Variants in ARB2A observed in about 807,000 individuals in gnomAD.
The protein encoded by ARB2A is ARB2 cotranscriptional regulator A.
chr5:93,817,386 C>T, the ARB2A span, among the ~76,000 whole-genome samples: 3 of 152,236 alleles, frequency 2.0e-5, no homozygotes, highest in Non-Finnish European at 4.4e-5. Context: ...TTAAGATTGT[C>T]AAGATGGCAA....
At chr5:93,781,937 AAGG>A in the ARB2A span, 1 of 985,094 alleles carries the variant, frequency 1.0e-6, no homozygotes, top group East Asian at 1.1e-4. Flanking sequence ...TCGTTATTTC[AAGG>A]AGTCTTGCAG....
the ARB2A span, among the ~76,000 whole-genome samples, chr5:93,697,226 C>G: frequency 6.6e-6 from 1 of 151,942 alleles, no homozygotes; most frequent in Non-Finnish European, 1.5e-5. Flanking sequence ...ATAGGTTCAT[C>G]TCATCAGACC....
the ARB2A span, among the ~76,000 whole-genome samples, chr5:94,046,800 T>G: frequency 2.0e-5 from 3 of 152,130 alleles, no homozygotes; most frequent in African/African-American, 7.2e-5. Flanking sequence ...GGTTACAGAA[T>G]CAATGAAAAG....
At chr5:93,829,662 T>A in the ARB2A span, among the ~76,000 whole-genome samples, 4 of 152,168 alleles carry the variant, frequency 2.6e-5, no homozygotes, top group African/African-American at 9.6e-5. Context: ...CTTGTAGTCA[T>A]ATATTAAAAT....
chr5:93,904,712 T>A, the ARB2A span, among the ~76,000 whole-genome samples: 7 of 151,686 alleles, frequency 4.6e-5, no homozygotes, highest in Non-Finnish European at 8.9e-5. Context: ...TTTACCTCAA[T>A]CCCATTTAGA....
chr5:93,875,576 T>C, the ARB2A span, among the ~76,000 whole-genome samples: 2 of 152,186 alleles, frequency 1.3e-5, no homozygotes, highest in African/African-American at 4.8e-5. Context: ...ATCTCTACAA[T>C]GGTATGATTC....
the ARB2A span, among the ~76,000 whole-genome samples, chr5:93,632,102 G>C: frequency 2.0e-5 from 3 of 152,102 alleles, no homozygotes; most frequent in African/African-American, 7.2e-5. Context: ...GAATATAAGG[G>C]CTCTGCACAC....
At chr5:93,690,448 C>G in the ARB2A span, among the ~76,000 whole-genome samples, 1 of 152,162 alleles carries the variant, frequency 6.6e-6, no homozygotes, top group East Asian at 1.9e-4. Flanking sequence ...GAAGTTCAAA[C>G]TGGGTGGAGA....
the ARB2A span, among the ~76,000 whole-genome samples, chr5:94,003,826 T>G: frequency 7.9e-5 from 12 of 152,114 alleles, no homozygotes; most frequent in African/African-American, 2.7e-4. Flanking sequence ...AGCAAGATTT[T>G]TGGTAGATAT....
the ARB2A span, among the ~76,000 whole-genome samples, chr5:93,898,217 T>C: frequency 2.0e-5 from 3 of 152,074 alleles, no homozygotes; most frequent in African/African-American, 7.2e-5. Context: ...TAGATACTTT[T>C]ATTTTCTTCA....
the ARB2A span, among the ~76,000 whole-genome samples, chr5:93,781,475 T>C: frequency 2.0e-4 from 30 of 152,224 alleles, no homozygotes; most frequent in Non-Finnish European, 3.8e-4. Context: ...TTTGCTATCA[T>C]GAATAGCACT....
At chr5:94,079,227 A>C in the ARB2A span, among the ~76,000 whole-genome samples, 4 of 152,272 alleles carry the variant, frequency 2.6e-5, no homozygotes, top group African/African-American at 9.6e-5. Context: ...ACATTCCTTT[A>C]ATCTTATTAA....
At chr5:93,708,122 G>A in the ARB2A span, among the ~76,000 whole-genome samples, 1 of 151,674 alleles carries the variant, frequency 6.6e-6, no homozygotes, top group East Asian at 1.9e-4. Flanking sequence ...AATCATTTGA[G>A]AGCTACAAAC....
the ARB2A span, among the ~76,000 whole-genome samples, chr5:94,031,769 T>A: frequency 1.3e-5 from 2 of 152,248 alleles, no homozygotes; most frequent in Non-Finnish European, 2.9e-5. Flanking sequence ...AAATGTCTGC[T>A]TCCTGAATTC....
At chr5:93,687,772 T>G in the ARB2A span, among the ~76,000 whole-genome samples, 1 of 152,148 alleles carries the variant, frequency 6.6e-6, no homozygotes, top group Non-Finnish European at 1.5e-5. Context: ...GGAATTTAAT[T>G]TCATCACTTG....
chr5:93,954,983 C>A, the ARB2A span, among the ~76,000 whole-genome samples: 2 of 152,164 alleles, frequency 1.3e-5, no homozygotes, highest in Admixed American at 6.5e-5. Flanking sequence ...TCTCCCTCCC[C>A]CAAATGCACA....
At chr5:94,084,091 C>T in the ARB2A span, among the ~76,000 whole-genome samples, 7 of 151,434 alleles carry the variant, frequency 4.6e-5, no homozygotes, top group Non-Finnish European at 8.8e-5. Flanking sequence ...CTGGTCAATA[C>T]GGTGAAACCC....
At chr5:93,862,209 T>G in the ARB2A span, 4 of 152,234 alleles carry the variant, frequency 2.6e-5, no homozygotes, top group African/African-American at 7.2e-5. Context: ...GGAGCTACTA[T>G]CTACACATTT....
chr5:93,989,883 C>G, the ARB2A span, among the ~76,000 whole-genome samples: 2 of 152,084 alleles, frequency 1.3e-5, no homozygotes, highest in Non-Finnish European at 2.9e-5. Flanking sequence ...AGGAATTCCA[C>G]TAGCTTTTAT....
Sources: gnomAD v4.1 joint callset for allele counts (sites outside exome capture counted in the v4.1 genomes callset) on GRCh38, gnomAD v4.1.1 for gene constraint, MANE v1.5 for transcripts, NCBI Gene and HGNC (gene_info 2026-07-23, HGNC 2026-07-21) for gene names.